DPY19L2: variants seen among roughly 807,000 people sequenced by gnomAD.
DPY19L2 encodes dpy-19 like 2.
Under a neutral mutation model 97.9 loss-of-function variants are expected in DPY19L2, and 34 were observed. The observed-to-expected ratio is 0.35, with a 90% CI of 0.26 to 0.46. DPY19L2 has a LOEUF of 0.46. DPY19L2 is among the 20% of genes least tolerant of loss of function. The pLI is 1.00. For synonymous variants in DPY19L2, 230 were observed against 307.9 expected (o/e 0.75, Z 2.65); for missense variants, 623 against 911.4 (o/e 0.68, Z 4.07).
intron 20 of DPY19L2, 119 bp from the exon 21 acceptor site, chr12:63,569,468 G>T: frequency 1.3e-6 from 1 of 762,194 alleles, no homozygotes; most frequent in Non-Finnish European, 2.0e-6. Flanking sequence ...CGATATACAT[G>T]ACTCAAAACA....
At chr12:63,626,321 G>C in intron 7 of DPY19L2, 148 bp downstream of exon 7, 1 of 1,054,122 alleles carries the variant, frequency 9.5e-7, no homozygotes, top group Non-Finnish European at 1.3e-6. Context: ...CAATCAACAT[G>C]CTTAAAATAT....
chr12:63,634,752 T>C (rs1424867460), intron 6 of DPY19L2, among the ~76,000 whole-genome samples: 2 of 151,628 alleles, frequency 1.3e-5, no homozygotes, highest in Non-Finnish European at 2.9e-5. Flanking sequence ...CCACCATTAC[T>C]GAGGCTTGAG....
At chr12:63,613,714 A>G (rs528393398) in intron 11 of DPY19L2, among the ~76,000 whole-genome samples, 117 of 152,100 alleles carry the variant, frequency 7.7e-4, no homozygotes, top group African/African-American at 2.6e-3. Context: ...ATATGAGGAA[A>G]TGAACATAAT....
intron 16 of DPY19L2, among the ~76,000 whole-genome samples, chr12:63,589,772 A>T (rs1882557822): frequency 6.6e-6 from 1 of 152,208 alleles, no homozygotes; most frequent in African/African-American, 2.4e-5. Flanking sequence ...ATAAGTTGAC[A>T]TCTTGGAAGA....
chr12:63,583,753 T>C, intron 17 of DPY19L2, 59 bp downstream of exon 17: 2 of 1,571,544 alleles, frequency 1.3e-6, no homozygotes, highest in Non-Finnish European at 1.7e-6. Flanking sequence ...CCTTTGTCAA[T>C]TATCCTCAAA....
intron 21 of DPY19L2, among the ~76,000 whole-genome samples, chr12:63,566,163 GTCCTC>G (rs1877648188): frequency 6.6e-6 from 1 of 151,954 alleles, no homozygotes; most frequent in African/African-American, 2.4e-5. Context: ...GAAGAATTTA[GTCCTC>G]TTTCACTTTG....
Position 63,569,266 on chromosome 12 carries a change from T to C in DPY19L2, c.2084A>G (p.Asn695Ser), listed in dbSNP as rs1261013736. 1 of 1,602,072 alleles carries C rather than the reference T, an allele frequency of 6.2e-7. No individual in the cohort carries two copies. The highest frequency in any genetic ancestry group is 1.1e-5 in the South Asian group (1 of 88,382). ...VRDKLLELHVNYYVLEEAWCV... is the reference protein window; with the variant it reads ...VRDKLLELHVSYYVLEEAWCV... Reference sequence around the variant, plus strand: ...CCATGCCTCTTCTAAAACATAATAATTCACATGTAACTCCAACAATTTATC... The same window carrying C: ...CCATGCCTCTTCTAAAACATAATAACTCACATGTAACTCCAACAATTTATC... Residue 695 changes from asparagine to serine, a missense_variant, in exon 21 of 22, where the codon AAT (asparagine) becomes AGT (serine). By Grantham distance (46) the Asn-to-Ser change is conservative (BLOSUM62 1). Around this residue, in one of 6 missense-constraint regions of DPY19L2, gnomAD observed 294 missense variants for 446.2 expected, o/e 0.66. Transcript: ENST00000324472.
chr12:63,580,367 C>CT lies in DPY19L2; in HGVS notation c.1900+294dup, dbSNP rs1168039487. ...TATGGTTAAAATGCTATAATGCTGT[C>CT]TGAGAGTTAAAGGACATAACTTATG... On this transcript the variant is annotated intron_variant, in intron 19 of 21. Coordinates refer to ENST00000324472, the MANE Select transcript of DPY19L2 (RefSeq NM_173812.5). Among the ~76,000 whole-genome samples, 4 of 152,076 alleles carry CT rather than the reference C, an allele frequency of 2.6e-5. No homozygotes were observed. In the East Asian group the frequency reaches 7.7e-4, roughly 29 times the overall value.
At chr12:63,591,999 G>A (rs1320600673) in intron 16 of DPY19L2, among the ~76,000 whole-genome samples, 1 of 21,908 alleles carries the variant, frequency 4.6e-5, no homozygotes, top group African/African-American at 2.8e-4. Flanking sequence ...GGGAAGGGAG[G>A]GGAAGGGAGG....
intron 11 of DPY19L2, among the ~76,000 whole-genome samples, chr12:63,610,841 CAAAAAA>C (rs56044043): frequency 0.011 from 115 of 10,724 alleles, no homozygotes; most frequent in South Asian, 0.023. Context: ...ATGAATATAG[CAAAAAA>C]AAAAAAAAAA....
chr12:63,627,419 G>A (rs1469976873), intron 6 of DPY19L2, among the ~76,000 whole-genome samples: 3 of 151,952 alleles, frequency 2.0e-5, no homozygotes, highest in Admixed American at 1.3e-4. Flanking sequence ...GCGCGATCTC[G>A]GCTCACTGCA....
At chr12:63,659,272 A>G (rs962468347) in intron 4 of DPY19L2, among the ~76,000 whole-genome samples, 2 of 152,292 alleles carry the variant, frequency 1.3e-5, no homozygotes, top group African/African-American at 2.4e-5. Flanking sequence ...TAAAAATTTT[A>G]AAATAATACC....
intron 12 of DPY19L2, among the ~76,000 whole-genome samples, chr12:63,601,558 C>G (rs968324038): frequency 6.6e-6 from 1 of 152,040 alleles, no homozygotes; most frequent in African/African-American, 2.4e-5. Flanking sequence ...AGTCCCTGAC[C>G]TAAGCCTTTG....
chr12:63,666,401 G>C, intron 1 of DPY19L2: 2 of 252,658 alleles, frequency 7.9e-6, no homozygotes, highest in South Asian at 9.3e-5. Context: ...GGAGCTACTA[G>C]ATGGCCTAGG....
At chr12:63,651,891 G>A in intron 4 of DPY19L2, 3 of 396,868 alleles carry the variant, frequency 7.6e-6, no homozygotes, top group Non-Finnish European at 1.3e-5. Flanking sequence ...CCTAGCTGCG[G>A]CTTGCCATGA....
At chr12:63,629,360 GA>G (rs561554772) in intron 6 of DPY19L2, among the ~76,000 whole-genome samples, 92 of 152,148 alleles carry the variant, frequency 6.0e-4, no homozygotes, top group African/African-American at 2.1e-3. Flanking sequence ...CCAATGCAGA[GA>G]AGTCCTTAAA....
chr12:63,610,226 T>C (rs761067903), intron 11 of DPY19L2, among the ~76,000 whole-genome samples: 1 of 152,012 alleles, frequency 6.6e-6, no homozygotes, highest in African/African-American at 2.4e-5. Flanking sequence ...ATTTCTTACC[T>C]ACAGCGAATA....
intron 6 of DPY19L2, among the ~76,000 whole-genome samples, chr12:63,640,315 C>A (rs1892493548): frequency 6.6e-6 from 1 of 151,938 alleles, no homozygotes; most frequent in Admixed American, 6.6e-5. Flanking sequence ...CAAACCTGCA[C>A]GTTGTGCACA....
In DPY19L2 at chr12:63,569,335, A is replaced by G; in HGVS notation, c.2015T>C (p.Ile672Thr). Residue 672 changes from isoleucine (I) to threonine (T), a missense_variant, in exon 21 of 22, where the codon ATA becomes ACA. By Grantham distance (89) the Ile-to-Thr change is moderately conservative. Coordinates refer to ENST00000324472, the MANE Select transcript of DPY19L2 (RefSeq NM_173812.5). ...TTTTCGACTATATGTAGAATAAACT[A>G]TTTTTGTCCGAGCCCTTTAAATTTA... Reference protein sequence around the residue: ...EDADLRARTKIVYSTYSRKSA... With the variant: ...EDADLRARTKTVYSTYSRKSA... 2 of 1,592,538 alleles carry G rather than the reference A, an allele frequency of 1.3e-6. No individual in the cohort carries two copies. Among genetic ancestry groups the G allele is most frequent in the South Asian group, 1.2e-5 (1 of 86,550 alleles).
Sources: gnomAD v4.1 joint callset for allele counts (sites outside exome capture counted in the v4.1 genomes callset) on GRCh38, gnomAD v4.1.1 for gene constraint, gnomAD v4.1.1 regional missense constraint, MANE v1.5 for transcripts, NCBI Gene and HGNC (gene_info 2026-07-23, HGNC 2026-07-21) for gene names.